Variants in ARHGEF12 observed in about 807,000 individuals in gnomAD.
ARHGEF12 encodes KMT2A/ARHGEF12 fusion protein.
A neutral mutation model predicts 211.2 loss-of-function variants in ARHGEF12; 66 were observed. That is an observed-to-expected ratio of 0.31 (90% CI 0.26 to 0.38). ARHGEF12 has a LOEUF of 0.38. Ranked by LOEUF, ARHGEF12 falls within the 10% of genes least tolerant of loss-of-function variation. The pLI is 1.00. For missense variants in ARHGEF12, 1,429 were observed against 1,869.5 expected (o/e 0.76, Z 4.34); for synonymous variants, 592 against 638.4 (o/e 0.93, Z 1.09).
Position 120,452,681 on chromosome 11 carries a change from C to T in ARHGEF12, c.2056+957C>T, listed in dbSNP as rs76940430. 8.8e-3 allele frequency among the ~76,000 whole-genome samples: 1,345 copies of T among 152,266 alleles called. 88 individuals are homozygous for T. In the South Asian group the frequency reaches 0.16, roughly 18 times the overall value. On this transcript the variant is annotated intron_variant, in intron 22 of 40. Coordinates refer to ENST00000397843, the MANE Select transcript of ARHGEF12 (RefSeq NM_015313.3). Reference sequence around the variant, plus strand: ...GTGATAATATCCAGAGCATGAGAGCCTCAGTGGAGCAAGAGATTATACAGG... The same window carrying T: ...GTGATAATATCCAGAGCATGAGAGCTTCAGTGGAGCAAGAGATTATACAGG...
At chr11:120,370,271 C>T (rs1481344112) in intron 1 of ARHGEF12, among the ~76,000 whole-genome samples, 1 of 152,138 alleles carries the variant, frequency 6.6e-6, no homozygotes, top group African/African-American at 2.4e-5. Flanking sequence ...TGATGGGTAG[C>T]ACTATCCTTG....
chr11:120,436,142 T>A (rs1945687237), intron 11 of ARHGEF12, among the ~76,000 whole-genome samples: 1 of 152,228 alleles, frequency 6.6e-6, no homozygotes, highest in Non-Finnish European at 1.5e-5. Flanking sequence ...GATTTCAGTA[T>A]GAGTTACTCT....
chr11:120,433,836 T>C (rs913339880), intron 11 of ARHGEF12, among the ~76,000 whole-genome samples: 4 of 152,102 alleles, frequency 2.6e-5, no homozygotes, highest in Admixed American at 2.6e-4. Flanking sequence ...CACACGCCTG[T>C]AATCTCAGCT....
At chr11:120,408,034 A>G (rs1416742896) in intron 3 of ARHGEF12, 6 of 436,796 alleles carry the variant, frequency 1.4e-5, no homozygotes, top group Admixed American at 1.2e-4. Context: ...CAGAAGTATC[A>G]TTGTAGAGTA....
chr11:120,345,876 T>C (rs1942704904), intron 1 of ARHGEF12, among the ~76,000 whole-genome samples: 1 of 152,094 alleles, frequency 6.6e-6, no homozygotes, highest in Admixed American at 6.6e-5. Flanking sequence ...ATAGTTCTTA[T>C]TCATTTTTAA....
chr11:120,389,214 C>G (rs1944135204), intron 1 of ARHGEF12, among the ~76,000 whole-genome samples: 1 of 152,152 alleles, frequency 6.6e-6, no homozygotes, highest in Non-Finnish European at 1.5e-5. Context: ...TTTCTCCCAG[C>G]CTGTGGCTTG....
intron 26 of ARHGEF12, among the ~76,000 whole-genome samples, chr11:120,459,922 G>C (rs1946477931): frequency 6.6e-6 from 1 of 152,272 alleles, no homozygotes; most frequent in South Asian, 2.1e-4. Flanking sequence ...TGGCCAGGCT[G>C]GTCTCAAATT....
intron 1 of ARHGEF12, among the ~76,000 whole-genome samples, chr11:120,392,640 A>G (rs1458474074): frequency 6.6e-6 from 1 of 152,226 alleles, no homozygotes; most frequent in African/African-American, 2.4e-5. Context: ...TAGGGACGTA[A>G]CTATGTCAAG....
intron 39 of ARHGEF12, among the ~76,000 whole-genome samples, chr11:120,482,478 G>C (rs1348736364): frequency 6.6e-6 from 1 of 152,130 alleles, no homozygotes; most frequent in East Asian, 1.9e-4. Context: ...AGGGCACGGT[G>C]GCTCACGCCT....
At chr11:120,445,997 C>T (rs1946034320) in intron 16 of ARHGEF12, among the ~76,000 whole-genome samples, 1 of 151,774 alleles carries the variant, frequency 6.6e-6, no homozygotes, top group Non-Finnish European at 1.5e-5. Flanking sequence ...GTCAGGAGAT[C>T]GACCATCCTG....
chr11:120,409,549 C>G, intron 4 of ARHGEF12, 99 bp downstream of exon 4: 1 of 1,244,282 alleles, frequency 8.0e-7, no homozygotes, highest in Non-Finnish European at 1.1e-6. Context: ...TTTTAAATAA[C>G]TGCAGCCTTT....
Position 120,480,230 on chromosome 11 carries a change from A to G in ARHGEF12, c.4037A>G (p.Gln1346Arg). The change falls in exon 38 of 41, where the codon CAG becomes CGG. Residue 1346 changes from glutamine (Q) to arginine (R), a missense_variant. This residue lies in a region of ARHGEF12 where 467 missense variants were observed against 468.4 expected (regional missense o/e 1.00). Coordinates refer to ENST00000397843, the MANE Select transcript of ARHGEF12 (RefSeq NM_015313.3). ...APRDSVGLAP[Q>R]DSQASNILVM... Reference sequence around the variant, plus strand: ...CGGGATTCAGTGGGACTGGCACCCCAGGATAGCCAGGCAAGTAACATTTTA... The same window carrying G: ...CGGGATTCAGTGGGACTGGCACCCCGGGATAGCCAGGCAAGTAACATTTTA... 6.2e-7 allele frequency: 1 copy of G among 1,614,226 alleles called. No homozygotes were observed. The highest frequency in any genetic ancestry group is 8.5e-7 in the Non-Finnish European group (1 of 1,180,030).
intron 27 of ARHGEF12, among the ~76,000 whole-genome samples, chr11:120,462,375 A>G (rs1388436101): frequency 1.3e-5 from 2 of 152,222 alleles, no homozygotes; most frequent in Non-Finnish European, 2.9e-5. Context: ...CCCCAAAGCA[A>G]TAAATAGTAA....
intron 40 of ARHGEF12, 99 bp from the exon 41 acceptor site, chr11:120,484,968 C>A: frequency 7.7e-7 from 1 of 1,300,496 alleles, no homozygotes; most frequent in Non-Finnish European, 1.1e-6. Context: ...GATTCAGAAA[C>A]AAAGATTGAA....
intron 1 of ARHGEF12, among the ~76,000 whole-genome samples, chr11:120,346,745 A>G (rs1325277926): frequency 6.6e-6 from 1 of 152,168 alleles, no homozygotes; most frequent in Non-Finnish European, 1.5e-5. Flanking sequence ...AAGTACAGAG[A>G]ATGGTATGAT....
intron 17 of ARHGEF12, 45 bp from the exon 18 acceptor site, chr11:120,446,900 GGTA>G: frequency 6.3e-7 from 1 of 1,588,282 alleles, no homozygotes; most frequent in Non-Finnish European, 8.6e-7. Context: ...CCCAGAATGA[GGTA>G]GTTTTTCTTT....
intron 16 of ARHGEF12, 45 bp from the exon 17 acceptor site, chr11:120,446,358 C>A (rs773644572): frequency 1.4e-6 from 2 of 1,476,652 alleles, no homozygotes; most frequent in South Asian, 1.2e-5. Context: ...TTGTATGTTG[C>A]CCAGAACATA....
At chr11:120,399,356 A>G (rs1944493128) in intron 1 of ARHGEF12, among the ~76,000 whole-genome samples, 1 of 149,998 alleles carries the variant, frequency 6.7e-6, no homozygotes. Context: ...AAAAAAGAAA[A>G]GAAAGATAAA....
At chr11:120,484,938 T>C in intron 40 of ARHGEF12, 129 bp from the exon 41 acceptor site, 1 of 950,592 alleles carries the variant, frequency 1.1e-6, no homozygotes, top group Non-Finnish European at 1.6e-6. Context: ...CAGCAGTTTA[T>C]ACTCATCTGC....
Sources: gnomAD v4.1 joint callset for allele counts (sites outside exome capture counted in the v4.1 genomes callset) on GRCh38, gnomAD v4.1.1 for gene constraint, gnomAD v4.1.1 regional missense constraint, MANE v1.5 for transcripts, NCBI Gene and HGNC (gene_info 2026-07-23, HGNC 2026-07-21) for gene names.